UBE2E2: variants seen among roughly 807,000 people sequenced by gnomAD.
UBE2E2 encodes the protein ubiquitin-conjugating enzyme E2 E2.
UBE2E2 carries 6 observed loss-of-function variants against 24.7 expected under a neutral mutation model. That is an observed-to-expected ratio of 0.24 (90% CI 0.13 to 0.48). The LOEUF (loss-of-function observed/expected upper bound fraction) is 0.48, where lower values mean the gene tolerates loss of function less well. UBE2E2 is among the 20% of genes least tolerant of loss of function. The pLI is 0.99. For missense variants in UBE2E2, 169 were observed against 245.0 expected (o/e 0.69, Z 2.07); for synonymous variants, 104 against 83.6 (o/e 1.24, Z -1.33).
At position 23,298,100 on chromosome 3, in the gene UBE2E2, C is replaced by G. The variant is rs75082748; in HGVS notation, c.227+80788C>G. ...TTGGCTCTCTGTTTGTCTCTTATTG[C>G]TGTATAAGAATGCTTGTGATTTTTG... On this transcript the variant is annotated intron_variant, in intron 3 of 5. Coordinates refer to ENST00000396703, the MANE Select transcript of UBE2E2 (RefSeq NM_152653.4). Among the ~76,000 whole-genome samples the G allele has an allele frequency of 1.1e-3, 171 of 151,428 alleles. 2 individuals carry two copies. In the East Asian group the frequency reaches 0.021, roughly 19 times the overall value.
intron 4 of UBE2E2, among the ~76,000 whole-genome samples, chr3:23,517,354 T>G (rs575397541): frequency 6.6e-6 from 1 of 152,272 alleles, no homozygotes; most frequent in African/African-American, 2.4e-5. Flanking sequence ...AAATCAAAAT[T>G]TGAATGACAA....
intron 4 of UBE2E2, among the ~76,000 whole-genome samples, chr3:23,516,643 A>G (rs187635540): frequency 1.3e-5 from 2 of 152,280 alleles, no homozygotes; most frequent in East Asian, 1.9e-4. Flanking sequence ...AGAAATTTGG[A>G]TGAAAAAATT....
intron 3 of UBE2E2, among the ~76,000 whole-genome samples, chr3:23,488,227 T>G (rs993799247): frequency 1.3e-5 from 2 of 151,428 alleles, no homozygotes; most frequent in African/African-American, 4.9e-5. Context: ...AATTAGACTT[T>G]AAGTTCTGGG....
At chr3:23,364,998 A>G (rs183783470) in intron 3 of UBE2E2, among the ~76,000 whole-genome samples, 26 of 152,298 alleles carry the variant, frequency 1.7e-4, no homozygotes, top group Non-Finnish European at 2.1e-4. Flanking sequence ...ATTTGCCACA[A>G]AAACAGAATT....
intron 3 of UBE2E2, among the ~76,000 whole-genome samples, chr3:23,271,312 G>T (rs1310183769): frequency 6.6e-6 from 1 of 152,178 alleles, no homozygotes; most frequent in Non-Finnish European, 1.5e-5. Context: ...CTTCTGGTGG[G>T]TTTGTGGTCT....
chr3:23,334,849 A>G (rs1437473787), intron 3 of UBE2E2, among the ~76,000 whole-genome samples: 1 of 152,186 alleles, frequency 6.6e-6, no homozygotes, highest in Non-Finnish European at 1.5e-5. Flanking sequence ...TCTTATATTG[A>G]TCAGCTATTG....
intron 3 of UBE2E2, among the ~76,000 whole-genome samples, chr3:23,245,460 A>G (rs1447727529): frequency 6.6e-6 from 1 of 152,182 alleles, no homozygotes; most frequent in Non-Finnish European, 1.5e-5. Flanking sequence ...TTTTCTTTCT[A>G]TTAAATCATT....
At chr3:23,521,740 G>A (rs1030460453) in intron 4 of UBE2E2, among the ~76,000 whole-genome samples, 1 of 152,064 alleles carries the variant, frequency 6.6e-6, no homozygotes, top group African/African-American at 2.4e-5. Context: ...TAGCTCATGA[G>A]CTATCATAAG....
intron 3 of UBE2E2, among the ~76,000 whole-genome samples, chr3:23,228,980 A>G (rs1395501482): frequency 3.3e-5 from 5 of 151,796 alleles, no homozygotes; most frequent in Admixed American, 2.0e-4. Flanking sequence ...AGTATCGACC[A>G]TTTTTCCTCC....
chr3:23,537,686 C>T (rs921547964), intron 5 of UBE2E2, among the ~76,000 whole-genome samples: 10 of 152,036 alleles, frequency 6.6e-5, no homozygotes, highest in African/African-American at 2.4e-4. Context: ...TCACTTAAGG[C>T]CCTTTTTTTA....
At chr3:23,294,947 AT>A (rs1351951416) in intron 3 of UBE2E2, among the ~76,000 whole-genome samples, 9 of 152,160 alleles carry the variant, frequency 5.9e-5, no homozygotes, top group African/African-American at 2.2e-4. Context: ...CAGGGTCTTC[AT>A]TTATTTTTAG....
chr3:23,429,668 C>G (rs1698008994), intron 3 of UBE2E2, among the ~76,000 whole-genome samples: 1 of 151,948 alleles, frequency 6.6e-6, no homozygotes, highest in Non-Finnish European at 1.5e-5. Flanking sequence ...GAAGTCCTAG[C>G]TAATGTAGTG....
At chr3:23,315,567 A>G (rs755573745) in intron 3 of UBE2E2, among the ~76,000 whole-genome samples, 5 of 152,122 alleles carry the variant, frequency 3.3e-5, no homozygotes, top group Non-Finnish European at 5.9e-5. Flanking sequence ...ATTCTTTTGT[A>G]TGAATCGTTG....
chr3:23,226,746 C>A (rs531787189), intron 3 of UBE2E2, among the ~76,000 whole-genome samples: 10 of 152,040 alleles, frequency 6.6e-5, no homozygotes, highest in Admixed American at 5.9e-4. Context: ...TTTGTTAGGA[C>A]TTTCTAGGAA....
intron 3 of UBE2E2, among the ~76,000 whole-genome samples, chr3:23,303,879 A>G (rs1484420754): frequency 6.6e-6 from 1 of 152,156 alleles, no homozygotes; most frequent in Non-Finnish European, 1.5e-5. Flanking sequence ...TAGGAATTAT[A>G]CCGTTAACCC....
rs1222649452 is a variant in UBE2E2 at position 23,257,408 on chromosome 3, GTGGAGGTC to G, written c.227+40099_227+40106del. ...TTCTGCCTAAGGGCCAATTTCATAA[GTGGAGGTC>G]TGCAACAAAATAGATGTACTTAAGC... On this transcript the variant is annotated intron_variant, in intron 3 of 5. Coordinates refer to ENST00000396703, the MANE Select transcript of UBE2E2 (RefSeq NM_152653.4). Among the ~76,000 whole-genome samples, 12 of 149,588 alleles carry G rather than the reference GTGGAGGTC, an allele frequency of 8.0e-5. No individual in the cohort carries two copies. In the East Asian group the frequency reaches 2.2e-3, roughly 27 times the overall value.
intron 3 of UBE2E2, among the ~76,000 whole-genome samples, chr3:23,481,335 A>G (rs1216277053): frequency 6.6e-6 from 1 of 152,240 alleles, no homozygotes; most frequent in Non-Finnish European, 1.5e-5. Context: ...ATTTTTCTGA[A>G]TGTAAGACAA....
chr3:23,248,338 G>A lies in UBE2E2; in HGVS notation c.227+31026G>A, dbSNP rs116169244. ...TCATATGTAGGAGAGGAATTTCTCT[G>A]TCATTTCCCTGAGACTGCACCTTAA... On this transcript the variant is annotated intron_variant, in intron 3 of 5. Transcript: ENST00000396703. Among the ~76,000 whole-genome samples the A allele has an allele frequency of 7.0e-4, 106 of 152,352 alleles. 1 individual carries two copies. The highest frequency in any genetic ancestry group is 2.5e-3 in the African/African-American group (104 of 41,592).
intron 3 of UBE2E2, among the ~76,000 whole-genome samples, chr3:23,252,364 A>G (rs1333355344): frequency 4.6e-5 from 7 of 152,192 alleles, no homozygotes; most frequent in Non-Finnish European, 1.5e-5. Context: ...GAGGACTATG[A>G]CTTAAAAAAA....
Sources: allele counts gnomAD v4.1 joint callset (sites outside exome capture counted in the v4.1 genomes callset), GRCh38; gene constraint gnomAD v4.1.1; transcripts MANE v1.5; gene names NCBI Gene and HGNC (gene_info 2026-07-23, HGNC 2026-07-21).